The following PTPRD variants were observed in gnomAD, a reference collection of about 807,000 sequenced individuals.
PTPRD encodes the protein protein tyrosine phosphatase receptor type D.
A neutral mutation model predicts 214.5 loss-of-function variants in PTPRD; 34 were observed. That is an observed-to-expected ratio of 0.16 (90% confidence interval 0.12 to 0.21). PTPRD has a LOEUF of 0.21. PTPRD is among the 10% of genes least tolerant of loss of function. The pLI, the probability that PTPRD is intolerant of heterozygous loss-of-function variation, is 1.00. For missense variants in PTPRD, 2,545 were observed against 2,398.7 expected (o/e 1.06, Z -1.27); for synonymous variants, 1,128 against 845.7 (o/e 1.33, Z -5.79).
At chr9:8,535,728 T>C (rs898670753) in intron 14 of PTPRD, among the ~76,000 whole-genome samples, 1 of 151,918 alleles carries the variant, frequency 6.6e-6, no homozygotes, top group African/African-American at 2.4e-5. Context: ...TTTTGTTTTT[T>C]CATCTCAAAA....
At chr9:8,352,401 A>G (rs1424043536) in intron 39 of PTPRD, among the ~76,000 whole-genome samples, 2 of 152,206 alleles carry the variant, frequency 1.3e-5, no homozygotes, top group Non-Finnish European at 1.5e-5. Context: ...GAACTATATC[A>G]TTCACACAGA....
chr9:10,037,743 C>G (rs1278180800), intron 3 of PTPRD, among the ~76,000 whole-genome samples: 3 of 152,032 alleles, frequency 2.0e-5, no homozygotes, highest in Admixed American at 6.6e-5. Context: ...ATCTTACATG[C>G]AAAAAGACGT....
Position 8,372,160 on chromosome 9 carries a change from A to C in PTPRD, c.4661+3776T>G, listed in dbSNP as rs114814344. Among the ~76,000 whole-genome samples, 817 of 152,146 alleles carry C rather than the reference A, an allele frequency of 5.4e-3. 6 individuals carry two copies. Among genetic ancestry groups the C allele is most frequent in the African/African-American group, 0.018 (748 of 41,532 alleles). Reference sequence around the variant, plus strand: ...TCTCATGGGATTGCCATAGTAGAAAATATGTACATTTGAAAAAATCCATTC... The same window carrying C: ...TCTCATGGGATTGCCATAGTAGAAACTATGTACATTTGAAAAAATCCATTC... On this transcript the variant is annotated intron_variant, in intron 39 of 45. Transcript: ENST00000381196.
At chr9:8,809,198 T>G (rs2096750909) in intron 11 of PTPRD, among the ~76,000 whole-genome samples, 1 of 152,090 alleles carries the variant, frequency 6.6e-6, no homozygotes, top group Admixed American at 6.6e-5. Flanking sequence ...TACTAGTTGT[T>G]AAAATGTCAC....
At chr9:9,889,613 A>G (rs1395046142) in intron 5 of PTPRD, among the ~76,000 whole-genome samples, 1 of 152,076 alleles carries the variant, frequency 6.6e-6, no homozygotes, top group East Asian at 1.9e-4. Flanking sequence ...CTCAGCCCCA[A>G]TTCCACAATA....
chr9:9,366,998 G>A (rs1198118133), intron 9 of PTPRD, among the ~76,000 whole-genome samples: 3 of 151,134 alleles, frequency 2.0e-5, no homozygotes, highest in Non-Finnish European at 4.4e-5. Context: ...GTAGTAAAAT[G>A]AAACAAATCT....
At chr9:8,821,121 G>A (rs2097052176) in intron 11 of PTPRD, among the ~76,000 whole-genome samples, 1 of 152,120 alleles carries the variant, frequency 6.6e-6, no homozygotes, top group African/African-American at 2.4e-5. Context: ...CACCTCCTCT[G>A]ATCCCTCTGC....
chr9:8,754,770 T>A (rs1313328569), intron 11 of PTPRD, among the ~76,000 whole-genome samples: 1 of 152,170 alleles, frequency 6.6e-6, no homozygotes, highest in African/African-American at 2.4e-5. Flanking sequence ...CCAAAGATAT[T>A]ATCAAGAAAG....
At chr9:9,157,657 G>C (rs1353599470) in intron 10 of PTPRD, among the ~76,000 whole-genome samples, 1 of 152,156 alleles carries the variant, frequency 6.6e-6, no homozygotes, top group African/African-American at 2.4e-5. Context: ...CCCAGGACCA[G>C]ATGGCTTCAC....
chr9:8,470,088 A>C (rs752201331), intron 31 of PTPRD, among the ~76,000 whole-genome samples: 2 of 152,092 alleles, frequency 1.3e-5, no homozygotes, highest in Non-Finnish European at 2.9e-5. Flanking sequence ...AATCCCAATA[A>C]ATTAAAATCT....
At chr9:8,360,325 T>C (rs962713991) in intron 39 of PTPRD, among the ~76,000 whole-genome samples, 1 of 152,226 alleles carries the variant, frequency 6.6e-6, no homozygotes, top group Middle Eastern at 3.2e-3. Context: ...GCTGTTGATA[T>C]TAAAAACACT....
chr9:8,934,986 C>A (rs1177522922), intron 11 of PTPRD, among the ~76,000 whole-genome samples: 1 of 151,972 alleles, frequency 6.6e-6, no homozygotes, highest in Non-Finnish European at 1.5e-5. Context: ...TGTGTGTATA[C>A]ATATGTCTTT....
At chr9:9,908,123 A>AG (rs2078124336) in intron 5 of PTPRD, among the ~76,000 whole-genome samples, 1 of 151,976 alleles carries the variant, frequency 6.6e-6, no homozygotes, top group East Asian at 1.9e-4. Flanking sequence ...TAAAATTAAC[A>AG]GAAAAAAAAG....
rs768237246 is a variant in PTPRD, at chr9:8,492,749, A to G, written c.2467+113T>C. 4 of 642,568 alleles carry G rather than the reference A, an allele frequency of 6.2e-6. No homozygotes were observed. In the East Asian group the frequency reaches 1.2e-4, roughly 19 times the overall value. The allele number at this position is 642,568 out of a possible 1,614,324, so 39.8% of individuals were successfully genotyped here. ...AACTAAAAACACAAAAGTTGACCAT[A>G]GTCCATTTATTTCCTCTGATTTTAC... On this transcript the variant is annotated intron_variant, in intron 27 of 45. Transcript: ENST00000381196.
At chr9:9,275,197 T>C (rs1482364378) in intron 9 of PTPRD, among the ~76,000 whole-genome samples, 2 of 7,480 alleles carry the variant, frequency 2.7e-4, no homozygotes, top group Non-Finnish European at 4.0e-4. Flanking sequence ...TATATATATA[T>C]ATTATATATA....
Position 9,312,149 on chromosome 9 carries a change from T to A in PTPRD, c.-203+85300A>T, listed in dbSNP as rs999165820. On this transcript the variant is annotated intron_variant, in intron 9 of 45. Transcript: ENST00000381196. ...CTTGATTTCAGCAAATCAAAATATT[T>A]CATTTGATCCTAAAAATAGCTAACT... Among the ~76,000 whole-genome samples the A allele has an allele frequency of 4.6e-5, 7 of 152,298 alleles. No individual in the cohort carries two copies. The East Asian group carries it at 1.2e-3, about 25-fold the overall frequency.
intron 20 of PTPRD, among the ~76,000 whole-genome samples, chr9:8,520,688 T>A (rs1198301948): frequency 6.6e-6 from 1 of 152,158 alleles, no homozygotes; most frequent in African/African-American, 2.4e-5. Context: ...ACTTTGGTTA[T>A]ATTTAGTCTG....
At chr9:10,194,345 T>TATAGAG (rs2099388529) in intron 3 of PTPRD, among the ~76,000 whole-genome samples, 1 of 39,844 alleles carries the variant, frequency 2.5e-5, no homozygotes, top group African/African-American at 7.7e-5. Context: ...TATATATATA[T>TATAGAG]AGAGAGAGAG....
chr9:8,750,084 A>G (rs1439527069), intron 11 of PTPRD, among the ~76,000 whole-genome samples: 1 of 151,396 alleles, frequency 6.6e-6, no homozygotes, highest in Non-Finnish European at 1.5e-5. Flanking sequence ...CCTGGGCAAC[A>G]GCATGAGACT....
Sources: gnomAD v4.1 joint callset for allele counts (sites outside exome capture counted in the v4.1 genomes callset) on GRCh38, gnomAD v4.1.1 for gene constraint, MANE v1.5 for transcripts, NCBI Gene and HGNC (gene_info 2026-07-23, HGNC 2026-07-21) for gene names.